Variants in ROBO1 observed in about 807,000 individuals in gnomAD.
The protein encoded by ROBO1 is roundabout homolog 1.
ROBO1 carries 149 observed loss-of-function variants against 195.9 expected under a neutral mutation model. The ratio of observed to expected loss-of-function variants is 0.76; its 90% CI spans 0.67 to 0.87. The LOEUF (loss-of-function observed/expected upper bound fraction) is 0.87. Among genes scored for constraint, ROBO1 ranks in the 40% least tolerant of loss-of-function variants. The pLI, the probability that ROBO1 is intolerant of heterozygous loss-of-function variation, is 0.00. For synonymous variants in ROBO1, 816 were observed against 733.2 expected, an observed-to-expected ratio of 1.11 and a Z score of -1.82; for missense variants, 1,933 against 2,068.3, an observed-to-expected ratio of 0.93 and a Z score of 1.27.
intron 1 of ROBO1, among the ~76,000 whole-genome samples, chr3:79,739,250 C>A (rs564833026): frequency 6.6e-6 from 1 of 152,180 alleles, no homozygotes; most frequent in East Asian, 1.9e-4. Context: ...AAATTTAAGT[C>A]AAAAGCCTCT....
At chr3:79,512,482 C>T (rs931511489) in intron 2 of ROBO1, among the ~76,000 whole-genome samples, 4 of 152,160 alleles carry the variant, frequency 2.6e-5, no homozygotes, top group African/African-American at 9.7e-5. Context: ...TCGTTACGTG[C>T]TGTGCAACTA....
chr3:78,658,024 G>A (rs1474682046), intron 17 of ROBO1, among the ~76,000 whole-genome samples: 1 of 152,076 alleles, frequency 6.6e-6, no homozygotes, highest in African/African-American at 2.4e-5. Flanking sequence ...AGAACATAAA[G>A]AATAGCAATA....
At chr3:79,664,431 C>G (rs150701350) in intron 1 of ROBO1, among the ~76,000 whole-genome samples, 48 of 152,148 alleles carry the variant, frequency 3.2e-4, no homozygotes, top group Non-Finnish European at 6.2e-4. Flanking sequence ...ATGTAACATA[C>G]AGTCTACATA....
chr3:78,711,354 C>CTTTCTTTCTTTCTTTCTTT (rs1559772810), intron 8 of ROBO1, among the ~76,000 whole-genome samples: 16 of 65,166 alleles, frequency 2.5e-4, no homozygotes, highest in Middle Eastern at 7.1e-3. Flanking sequence ...CTTCCTCCTT[C>CTTTCTTTCTTTCTTTCTTT]CTTCCTTCCT....
chr3:79,183,336 T>C (rs1052006937), intron 2 of ROBO1, among the ~76,000 whole-genome samples: 36 of 152,214 alleles, frequency 2.4e-4, no homozygotes, highest in African/African-American at 7.9e-4. Context: ...ACTCTGGCAG[T>C]AGATGGATGA....
chr3:79,347,852 T>C (rs1420386502), intron 2 of ROBO1, among the ~76,000 whole-genome samples: 1 of 152,134 alleles, frequency 6.6e-6, no homozygotes, highest in African/African-American at 2.4e-5. Flanking sequence ...ACAGGCTCAT[T>C]TTGAACAAAG....
At chr3:78,815,470 C>T (rs984151552) in intron 4 of ROBO1, among the ~76,000 whole-genome samples, 10 of 152,092 alleles carry the variant, frequency 6.6e-5, no homozygotes, top group South Asian at 2.1e-4. Flanking sequence ...AACTGCAATA[C>T]GCCTTTAAGC....
intron 21 of ROBO1, among the ~76,000 whole-genome samples, chr3:78,644,546 T>C (rs1451687362): frequency 2.0e-5 from 3 of 152,200 alleles, no homozygotes; most frequent in Non-Finnish European, 4.4e-5. Flanking sequence ...TGATCATTTC[T>C]ACTTACTATT....
chr3:78,859,016 C>G (rs2034628327), intron 4 of ROBO1, among the ~76,000 whole-genome samples: 1 of 152,120 alleles, frequency 6.6e-6, no homozygotes, highest in African/African-American at 2.4e-5. Flanking sequence ...GCGTAAATCA[C>G]TCATTAATTC....
chr3:78,778,153 T>C (rs1041391747), intron 4 of ROBO1, among the ~76,000 whole-genome samples: 1 of 152,208 alleles, frequency 6.6e-6, no homozygotes, highest in Non-Finnish European at 1.5e-5. Context: ...TTTGTGTATG[T>C]TGAACCGGCC....
chr3:78,842,268 G>A (rs1194221347), intron 4 of ROBO1, among the ~76,000 whole-genome samples: 1 of 122,422 alleles, frequency 8.2e-6, no homozygotes, highest in African/African-American at 3.2e-5. Context: ...TTATATATAT[G>A]AGCCATATAT....
Position 78,617,518 on chromosome 3 carries a change from A to C in ROBO1, c.4282+117T>G, listed in dbSNP as rs576495483. Reference sequence around the variant, plus strand: ...TTCCTTAGGCAGCTAAAAAAAAAAAAAAACTGTAAGAATAGATGCTTTTCA... The same window carrying C: ...TTCCTTAGGCAGCTAAAAAAAAAAACAAACTGTAAGAATAGATGCTTTTCA... On this transcript the variant is annotated intron_variant, in intron 27 of 30. Transcript: ENST00000464233. 9.3e-5 allele frequency: 106 copies of C among 1,143,652 alleles called. No homozygotes were observed. The African/African-American group carries it at 1.4e-3, about 15-fold the overall frequency. The allele number at this position is 1,143,652 out of a possible 1,614,324, so 70.8% of individuals were successfully genotyped here. A position where few individuals can be genotyped will look rare whatever the true frequency, so the allele number is the denominator to read the frequency against.
chr3:79,732,090 T>A (rs1456624857), intron 1 of ROBO1, among the ~76,000 whole-genome samples: 1 of 152,074 alleles, frequency 6.6e-6, no homozygotes, highest in African/African-American at 2.4e-5. Flanking sequence ...GGTTTGTGTA[T>A]ACAAACCCAT....
chr3:78,713,065 T>TA (rs2081804187), intron 8 of ROBO1, among the ~76,000 whole-genome samples: 1 of 152,172 alleles, frequency 6.6e-6, no homozygotes. Flanking sequence ...TATTTATGCT[T>TA]TCTGTAAATG....
chr3:79,185,208 T>C (rs1434259943), intron 2 of ROBO1, among the ~76,000 whole-genome samples: 1 of 152,156 alleles, frequency 6.6e-6, no homozygotes, highest in Non-Finnish European at 1.5e-5. Context: ...AAAGATCTTT[T>C]TGGTGCTCAA....
At chr3:79,550,156 A>G (rs780678287) in intron 2 of ROBO1, among the ~76,000 whole-genome samples, 16 of 65,250 alleles carry the variant, frequency 2.5e-4, no homozygotes, top group Middle Eastern at 6.5e-3. Flanking sequence ...AGAAAGGAAG[A>G]AAGAAAGAAA....
At chr3:79,531,940 G>A (rs150049348) in intron 2 of ROBO1, among the ~76,000 whole-genome samples, 2 of 152,150 alleles carry the variant, frequency 1.3e-5, no homozygotes, top group Non-Finnish European at 2.9e-5. Context: ...AGGAACAGGA[G>A]AATTAAGAGA....
At chr3:79,355,933 G>C (rs1011068648) in intron 2 of ROBO1, among the ~76,000 whole-genome samples, 1 of 152,178 alleles carries the variant, frequency 6.6e-6, no homozygotes, top group East Asian at 1.9e-4. Context: ...AGACCTAGTA[G>C]TAGAATTGCT....
intron 3 of ROBO1, among the ~76,000 whole-genome samples, chr3:79,078,463 A>C (rs1046068874): frequency 6.6e-6 from 1 of 151,792 alleles, no homozygotes; most frequent in African/African-American, 2.4e-5. Context: ...GAGTATCAAA[A>C]TATTCTTATT....
Sources: gnomAD v4.1 joint callset for allele counts (sites outside exome capture counted in the v4.1 genomes callset) on GRCh38, gnomAD v4.1.1 for gene constraint, MANE v1.5 for transcripts, NCBI Gene and HGNC (gene_info 2026-07-23, HGNC 2026-07-21) for gene names.